CUX1: variants seen among roughly 807,000 people sequenced by gnomAD.
CUX1 encodes protein CASP.
In CUX1, 31 loss-of-function variants were observed where a neutral mutation model predicts 158.8. The observed-to-expected ratio is 0.20, with a 90% CI of 0.15 to 0.26. The LOEUF (loss-of-function observed/expected upper bound fraction) is 0.26, where lower values mean the gene tolerates loss of function less well. Among genes scored for constraint, CUX1 ranks in the 10% least tolerant of loss-of-function variants. The pLI is 1.00. For synonymous variants in CUX1, 879 were observed against 862.1 expected (o/e 1.02, Z -0.34); for missense variants, 1,589 against 2,014.6 (o/e 0.79, Z 4.04).
chr7:102,279,937 C>CT, intron 18 of CUX1: 2 of 774,024 alleles, frequency 2.6e-6, no homozygotes, highest in East Asian at 2.5e-5. Flanking sequence ...CCCCACTTCC[C>CT]TTTTTTGCAG....
intron 12 of CUX1, among the ~76,000 whole-genome samples, chr7:102,191,083 C>T (rs576984135): frequency 1.3e-5 from 2 of 152,158 alleles, no homozygotes; most frequent in Non-Finnish European, 2.9e-5. Flanking sequence ...TCCCTGGCGT[C>T]TGCTGGCCCT....
At chr7:101,841,518 A>G (rs1795198228) in intron 1 of CUX1, among the ~76,000 whole-genome samples, 1 of 150,330 alleles carries the variant, frequency 6.7e-6, no homozygotes, top group Non-Finnish European at 1.5e-5. Flanking sequence ...TTTCTAACTT[A>G]TTTTTTTGAA....
intron 8 of CUX1, among the ~76,000 whole-genome samples, chr7:102,126,290 C>T (rs1019631600): frequency 1.3e-5 from 2 of 151,864 alleles, no homozygotes; most frequent in East Asian, 1.9e-4. Flanking sequence ...CCACCCGCCT[C>T]GGCCTCCCAA....
chr7:102,028,248 TG>T (rs1244146312), intron 3 of CUX1, 103 bp downstream of exon 3: 2 of 1,248,188 alleles, frequency 1.6e-6, no homozygotes, highest in Admixed American at 1.9e-5. Flanking sequence ...GCTGCCCAGA[TG>T]GTGCCTTCCC....
At chr7:102,126,117 G>A (rs1410372561) in intron 8 of CUX1, among the ~76,000 whole-genome samples, 1 of 151,782 alleles carries the variant, frequency 6.6e-6, no homozygotes, top group Non-Finnish European at 1.5e-5. Context: ...GGGTTCAAGC[G>A]ATTCTCCAGC....
At chr7:102,067,650 A>G (rs1327557354) in intron 3 of CUX1, among the ~76,000 whole-genome samples, 1 of 151,598 alleles carries the variant, frequency 6.6e-6, no homozygotes, top group East Asian at 1.9e-4. Context: ...TTTTTTTTCT[A>G]TATTTTTGAT....
In CUX1 at chr7:102,248,158, G is replaced by A. The variant is rs1038985290; in HGVS notation, c.3888-254G>A. On this transcript the variant is annotated intron_variant, in intron 23 of 23. Coordinates refer to ENST00000292535, the MANE Select transcript of CUX1 (RefSeq NM_181552.4). The surrounding 1 kb of genome is among the most constrained non-coding windows in gnomAD (Gnocchi z 5.8). ...AAAATAAAAATTAAAATAAGTGCCC[G>A]CGGCAATTTGTTGCAGTGGAGAATA... Among the ~76,000 whole-genome samples the A allele has an allele frequency of 6.6e-6, 1 of 152,172 alleles. No homozygotes were observed. Among genetic ancestry groups the A allele is most frequent in the Non-Finnish European group, 1.5e-5 (1 of 68,018 alleles).
chr7:101,876,104 G>C (rs752251398), intron 1 of CUX1, among the ~76,000 whole-genome samples: 16 of 152,120 alleles, frequency 1.1e-4, no homozygotes, highest in Admixed American at 9.2e-4. Flanking sequence ...CCAGCACTTT[G>C]GGAGGCCGAA....
intron 4 of CUX1, among the ~76,000 whole-genome samples, chr7:102,096,888 G>A (rs1829253813): frequency 6.6e-6 from 1 of 152,192 alleles, no homozygotes; most frequent in South Asian, 2.1e-4. Context: ...TCCATAAAGT[G>A]TCCCGTGAAC....
chr7:101,827,295 T>TTCTCTTCTCTTCTCTTCTC (rs1562893412), intron 1 of CUX1, among the ~76,000 whole-genome samples: 114 of 46,826 alleles, frequency 2.4e-3, no homozygotes, highest in Admixed American at 0.016. Context: ...CTTCTCTTCT[T>TTCTCTTCTCTTCTCTTCTC]TTCTTTTCTT....
chr7:102,049,503 G>C (rs1460951341), intron 3 of CUX1, among the ~76,000 whole-genome samples: 1 of 152,068 alleles, frequency 6.6e-6, no homozygotes, highest in Non-Finnish European at 1.5e-5. Flanking sequence ...TAGGAGAAGA[G>C]GGGGAACCTG....
At chr7:101,886,422 A>G (rs1475604338) in intron 1 of CUX1, among the ~76,000 whole-genome samples, 1 of 152,028 alleles carries the variant, frequency 6.6e-6, no homozygotes, top group Non-Finnish European at 1.5e-5. Flanking sequence ...GCTGGTCTCA[A>G]TCTTCTGGGT....
chr7:101,961,140 G>T (rs573930978), intron 2 of CUX1: 1 of 152,206 alleles, frequency 6.6e-6, no homozygotes, highest in South Asian at 2.1e-4. Context: ...CAGGAGACAG[G>T]CTGGCCATGA....
At chr7:102,005,309 C>T (rs1208597439) in intron 2 of CUX1, among the ~76,000 whole-genome samples, 7 of 152,168 alleles carry the variant, frequency 4.6e-5, no homozygotes, top group Admixed American at 1.3e-4. Context: ...GCCAGGAGTT[C>T]GAGACCGGCC....
At chr7:102,163,609 G>T (rs1790696493) in intron 9 of CUX1, among the ~76,000 whole-genome samples, 1 of 152,186 alleles carries the variant, frequency 6.6e-6, no homozygotes, top group African/African-American at 2.4e-5. Context: ...GAGAACAGAT[G>T]GGAGTGGAAA....
intron 8 of CUX1, among the ~76,000 whole-genome samples, chr7:102,116,734 G>A (rs1554491894): frequency 6.6e-6 from 1 of 152,190 alleles, no homozygotes; most frequent in Non-Finnish European, 1.5e-5. Flanking sequence ...TCTCAGGACT[G>A]TAGCTGAGAG....
chr7:101,816,011 C>T (rs758287757), upstream of CUX1: 4 of 1,412,134 alleles, frequency 2.8e-6, no homozygotes, highest in Admixed American at 2.0e-5. Flanking sequence ...GCCGCTCACT[C>T]CGTCTCAATA....
At chr7:102,141,831 G>A (rs1449393410) in intron 8 of CUX1, among the ~76,000 whole-genome samples, 1 of 145,520 alleles carries the variant, frequency 6.9e-6, no homozygotes, top group Non-Finnish European at 1.5e-5. Flanking sequence ...AGTAGAGACG[G>A]GGTTTCTCCA....
intron 4 of CUX1, among the ~76,000 whole-genome samples, chr7:102,080,472 C>T (rs1385636800): frequency 1.3e-5 from 2 of 152,144 alleles, no homozygotes; most frequent in African/African-American, 2.4e-5. Flanking sequence ...TAGCGTCTGC[C>T]GCATTGTGAT....
Sources: gnomAD v4.1 joint callset for allele counts (sites outside exome capture counted in the v4.1 genomes callset) on GRCh38, gnomAD v4.1.1 for gene constraint, Gnocchi (gnomAD v3.1) non-coding constraint, MANE v1.5 for transcripts, NCBI Gene and HGNC (gene_info 2026-07-23, HGNC 2026-07-21) for gene names.